Variants in TMPRSS7 observed in about 807,000 individuals in gnomAD.
TMPRSS7 encodes transmembrane serine protease 7, also known as transmembrane protease serine 7.
A neutral mutation model predicts 95.6 loss-of-function variants in TMPRSS7; 81 were observed. The observed-to-expected ratio is 0.85, with a 90% CI of 0.71 to 1.02. The LOEUF (loss-of-function observed/expected upper bound fraction) is 1.02, where lower values mean the gene tolerates loss of function less well. Ranked by LOEUF, TMPRSS7 falls within the 50% of genes least tolerant of loss-of-function variation. The pLI, the probability that TMPRSS7 is intolerant of heterozygous loss-of-function variation, is 0.00. For missense variants in TMPRSS7, 945 were observed against 955.2 expected, an observed-to-expected ratio of 0.99 and a Z score of 0.14; for synonymous variants, 364 against 337.8, an observed-to-expected ratio of 1.08 and a Z score of -0.85.
At chr3:112,063,161 A>G (rs1398747886) in intron 11 of TMPRSS7, among the ~76,000 whole-genome samples, 2 of 152,118 alleles carry the variant, frequency 1.3e-5, no homozygotes, top group East Asian at 3.9e-4. Context: ...CTGTCTAAAG[A>G]CTCCACATTA....
chr3:112,061,798 C>T (rs947082562), exon 11 of TMPRSS7: 3 of 1,608,010 alleles, frequency 1.9e-6, no homozygotes, highest in African/African-American at 1.3e-5. Flanking sequence ...TACTGTGGCT[C>T]CTACATGGAT....
At chr3:112,038,368 A>T in intron 2 of TMPRSS7, 47 bp downstream of exon 2, 1 of 677,138 alleles carries the variant, frequency 1.5e-6, no homozygotes, top group Admixed American at 2.1e-5. Context: ...TTATGGTATG[A>T]GTCCAGCATT....
chr3:112,061,693 C>T (rs1282537304), intron 10 of TMPRSS7, 94 bp from the exon 11 acceptor site: 32 of 1,409,536 alleles, frequency 2.3e-5, no homozygotes, highest in Non-Finnish European at 3.0e-5. Flanking sequence ...TTTGTGAAAA[C>T]CAAATGACCA....
chr3:112,040,180 C>T (rs1404664365), intron 2 of TMPRSS7, among the ~76,000 whole-genome samples: 1 of 152,148 alleles, frequency 6.6e-6, no homozygotes. Context: ...TTGAACGGTT[C>T]AGGTCACTTA....
At chr3:112,065,670 G>T (rs1046338119) in intron 12 of TMPRSS7, among the ~76,000 whole-genome samples, 1 of 152,158 alleles carries the variant, frequency 6.6e-6, no homozygotes, top group Non-Finnish European at 1.5e-5. Context: ...GCCCTCACAA[G>T]AGCTAGCTCT....
chr3:112,078,835 T>C (rs776809394), exon 17 of TMPRSS7: 2 of 1,614,162 alleles, frequency 1.2e-6, no homozygotes, highest in Non-Finnish European at 1.7e-6. Context: ...ACTTCTCGGA[T>C]GCTCTGTGCA....
chr3:112,045,911 T>C, exon 5 of TMPRSS7: 1 of 1,551,784 alleles, frequency 6.4e-7, no homozygotes, highest in Non-Finnish European at 8.7e-7. Context: ...TTGCAGGGAC[T>C]GGCTGTGGAC....
In TMPRSS7 at chr3:112,063,543, T is replaced by A. The variant is rs1308189491; in HGVS notation, c.1466T>A (p.Phe489Tyr). ...CCCATAGCCTGCCCTGTTGGATCTTTTAGATGCTCCTCCGGTTTATGTGTC... is the reference window on the plus strand; with the variant it reads ...CCCATAGCCTGCCCTGTTGGATCTTATAGATGCTCCTCCGGTTTATGTGTC... The change falls in exon 12 of 18, where the codon TTT becomes TAT. Residue 489 changes from phenylalanine to tyrosine, a missense_variant. Coordinates refer to ENST00000452346, the Ensembl canonical transcript of TMPRSS7. 8.7e-6 allele frequency: 14 copies of A among 1,613,978 alleles called. No individual in the cohort carries two copies. In the Admixed American group the frequency reaches 2.3e-4, roughly 27 times the overall value.
intron 13 of TMPRSS7, among the ~76,000 whole-genome samples, chr3:112,071,500 A>T (rs111875582): frequency 0.03 from 4,564 of 152,214 alleles, 193 homozygotes; most frequent in African/African-American, 0.088. Context: ...CCTGCCATGT[A>T]AGGTTGGGGA....
chr3:112,077,122 C>A (rs749635978), exon 16 of TMPRSS7: 19 of 1,613,858 alleles, frequency 1.2e-5, no homozygotes, highest in Admixed American at 1.0e-4. Context: ...GGGTAACTGG[C>A]TGGGGGCGAA....
intron 7 of TMPRSS7, 80 bp downstream of exon 7, chr3:112,048,047 T>C: frequency 7.5e-7 from 1 of 1,329,814 alleles, no homozygotes; most frequent in Non-Finnish European, 1.0e-6. Flanking sequence ...TCCCCCTGGA[T>C]TTTTTTTTAA....
intron 16 of TMPRSS7, among the ~76,000 whole-genome samples, chr3:112,077,437 T>G (rs2073725486): frequency 6.6e-6 from 1 of 152,202 alleles, no homozygotes; most frequent in South Asian, 2.1e-4. Context: ...TTATGCTATG[T>G]TATTCACTAG....
chr3:112,070,779 A>T (rs9756558), intron 13 of TMPRSS7, among the ~76,000 whole-genome samples: 3,908 of 151,178 alleles, frequency 0.026, 166 homozygotes, highest in African/African-American at 0.088. Flanking sequence ...TGACTCTTTT[A>T]TTATTATTAT....
chr3:112,037,165 T>C (rs2073155582), intron 1 of TMPRSS7, among the ~76,000 whole-genome samples: 1 of 152,216 alleles, frequency 6.6e-6, no homozygotes. Flanking sequence ...TGGGTCTGAC[T>C]GCCATGCAGG....
intron 13 of TMPRSS7, among the ~76,000 whole-genome samples, chr3:112,072,096 G>A (rs141707149): frequency 6.6e-6 from 1 of 152,108 alleles, no homozygotes; most frequent in Non-Finnish European, 1.5e-5. Context: ...ATCTACCTTC[G>A]GTCTTTGATG....
intron 13 of TMPRSS7, among the ~76,000 whole-genome samples, chr3:112,071,353 A>C (rs962644607): frequency 2.0e-5 from 3 of 152,082 alleles, no homozygotes; most frequent in African/African-American, 7.2e-5. Flanking sequence ...GGGTAACCTG[A>C]CCTTTGTCTT....
chr3:112,071,344 G>A (rs956535085), intron 13 of TMPRSS7, among the ~76,000 whole-genome samples: 16 of 152,140 alleles, frequency 1.1e-4, no homozygotes, highest in Non-Finnish European at 1.5e-5. Flanking sequence ...TCCCTTTGTG[G>A]GTAACCTGAC....
rs148792545 is a variant in TMPRSS7 at position 112,055,046 on chromosome 3, C to T, written c.1204-1979C>T. On this transcript the variant is annotated intron_variant, in intron 9 of 17. Transcript: ENST00000452346. Reference sequence around the variant, plus strand: ...TGAGCCACTGCACCCGGCCAGTTTACATATTTTTTATGTGAAGAAATAACC... The same window carrying T: ...TGAGCCACTGCACCCGGCCAGTTTATATATTTTTTATGTGAAGAAATAACC... Among the ~76,000 whole-genome samples, 688 of 152,170 alleles carry T rather than the reference C, an allele frequency of 4.5e-3. 5 individuals are homozygous for T. Among genetic ancestry groups the T allele is most frequent in the African/African-American group, 0.016 (656 of 41,516 alleles).
exon 13 of TMPRSS7, chr3:112,066,502 A>C: frequency 6.2e-7 from 1 of 1,612,958 alleles, no homozygotes; most frequent in Non-Finnish European, 8.5e-7. Context: ...CTGCACTCAA[A>C]GTGAGGGAGA....
Sources: gnomAD v4.1 joint callset for allele counts (sites outside exome capture counted in the v4.1 genomes callset) on GRCh38, gnomAD v4.1.1 for gene constraint, MANE v1.5 for transcripts, NCBI Gene and HGNC (gene_info 2026-07-23, HGNC 2026-07-21) for gene names.